The following NUP98 variants were observed in gnomAD, a reference collection of about 807,000 sequenced individuals.
NUP98 encodes the protein nuclear pore complex protein Nup98-Nup96.
A neutral mutation model predicts 191.9 loss-of-function variants in NUP98; 26 were observed. That is an observed-to-expected ratio of 0.14 (90% CI 0.10 to 0.19). The LOEUF (loss-of-function observed/expected upper bound fraction) is 0.19. Ranked by LOEUF, NUP98 falls within the 10% of genes least tolerant of loss-of-function variation. The pLI is 1.00. For missense variants in NUP98, 1,941 were observed against 2,178.8 expected (o/e 0.89, Z 2.17); for synonymous variants, 808 against 778.4 (o/e 1.04, Z -0.63).
At chr11:3,768,898 CCTTCA>C (rs902560007) in intron 7 of NUP98, among the ~76,000 whole-genome samples, 154 bp from the exon 8 acceptor site, 4 of 152,164 alleles carry the variant, frequency 2.6e-5, no homozygotes, top group African/African-American at 9.6e-5. Context: ...CGTTTTCCAT[CCTTCA>C]CTTAACTCTA....
At chr11:3,732,721 C>T (rs1348713793) in intron 13 of NUP98, among the ~76,000 whole-genome samples, 1 of 152,186 alleles carries the variant, frequency 6.6e-6, no homozygotes, top group African/African-American at 2.4e-5. Flanking sequence ...CTACAACATC[C>T]TGAGGATGTT....
At chr11:3,779,378 A>C in intron 2 of NUP98, 121 bp from the exon 3 acceptor site, 1 of 862,686 alleles carries the variant, frequency 1.2e-6, no homozygotes, top group Non-Finnish European at 1.9e-6. Context: ...ATGGTGGCTC[A>C]CGCCTGTAAT....
chr11:3,676,679 C>T, intron 31 of NUP98, 59 bp from the exon 32 acceptor site: 1 of 1,256,602 alleles, frequency 8.0e-7, no homozygotes, highest in Non-Finnish European at 1.2e-6. Context: ...TCCAATCCCA[C>T]CTATAGACTC....
intron 4 of NUP98, among the ~76,000 whole-genome samples, chr11:3,778,649 T>A (rs1309233628): frequency 6.6e-6 from 1 of 152,226 alleles, no homozygotes; most frequent in East Asian, 1.9e-4. Context: ...TGCATATCCC[T>A]TAAATAACAG....
At chr11:3,792,930 C>T (rs148847108) in intron 1 of NUP98, among the ~76,000 whole-genome samples, 104 of 151,354 alleles carry the variant, frequency 6.9e-4, no homozygotes, top group African/African-American at 2.3e-3. Flanking sequence ...CCCAACATGG[C>T]GAAACCCCGT....
intron 28 of NUP98, among the ~76,000 whole-genome samples, chr11:3,689,625 T>A (rs1209926411): frequency 3.3e-5 from 5 of 152,254 alleles, no homozygotes; most frequent in Non-Finnish European, 1.5e-5. Flanking sequence ...GTTGGACACC[T>A]AAACCACTCT....
At chr11:3,748,502 C>G (rs1285896830) in intron 11 of NUP98, among the ~76,000 whole-genome samples, 1 of 152,234 alleles carries the variant, frequency 6.6e-6, no homozygotes, top group East Asian at 1.9e-4. Flanking sequence ...GCCTGGGCAA[C>G]AGAGCAAGAG....
intron 4 of NUP98, 103 bp downstream of exon 4, chr11:3,778,770 T>G: frequency 1.6e-6 from 2 of 1,224,630 alleles, no homozygotes; most frequent in South Asian, 1.4e-5. Context: ...TGCCATTTAG[T>G]AGGAAAAGAA....
At chr11:3,728,687 C>T (rs1033935274) in intron 14 of NUP98, among the ~76,000 whole-genome samples, 2 of 151,788 alleles carry the variant, frequency 1.3e-5, no homozygotes, top group Admixed American at 6.6e-5. Context: ...TGCAGTGAGC[C>T]GAGATGGGGC....
At position 3,740,138 on chromosome 11, in the gene NUP98, G is replaced by A. The variant is rs543200644; in HGVS notation, c.1408+4371C>T. On this transcript the variant is annotated intron_variant, in intron 12 of 32. Coordinates refer to ENST00000324932, the MANE Select transcript of NUP98 (RefSeq NM_016320.5). ...TGATCAAATGACGCGTATCTACCTTGGAGAATCCCAGAAGTCTAGGGACTT... is the reference window on the plus strand; with the variant it reads ...TGATCAAATGACGCGTATCTACCTTAGAGAATCCCAGAAGTCTAGGGACTT... Among the ~76,000 whole-genome samples the A allele has an allele frequency of 7.2e-5, 11 of 152,210 alleles. No homozygotes were observed. The South Asian group carries it at 2.3e-3, about 32-fold the overall frequency.
intron 27 of NUP98, among the ~76,000 whole-genome samples, chr11:3,692,016 T>C (rs1332966316): frequency 1.3e-5 from 2 of 152,204 alleles, no homozygotes; most frequent in Non-Finnish European, 1.5e-5. Context: ...CAAGATCCCA[T>C]CTCTACAAAT....
chr11:3,738,030 C>T (rs1342875917), intron 12 of NUP98, among the ~76,000 whole-genome samples: 1 of 147,470 alleles, frequency 6.8e-6, no homozygotes, highest in Non-Finnish European at 1.5e-5. Context: ...AGAAAACTGA[C>T]CTGTCTTAGT....
intron 1 of NUP98, among the ~76,000 whole-genome samples, chr11:3,784,772 GA>G (rs977923553): frequency 4.6e-5 from 7 of 151,354 alleles, no homozygotes; most frequent in South Asian, 4.2e-4. Context: ...CTCCATTCTA[GA>G]AATATTGAAC....
Position 3,762,957 on chromosome 11 carries a change from C to A in NUP98, c.1031G>T (p.Gly344Val). 1 of 1,614,172 alleles carries A rather than the reference C, an allele frequency of 6.2e-7. No homozygotes were observed. Among genetic ancestry groups the A allele is most frequent in the Non-Finnish European group, 8.5e-7 (1 of 1,180,042 alleles). ...ATNTSTGTAF[G>V]TGTGLFGQTN... ...CTGCCCAAAGAGACCTGTTCCTGTT[C>A]CAAATGCTGTCCCAGTGCTGGTGTT... The change falls in exon 9 of 33, where the codon GGA becomes GTA. Residue 344 changes from glycine (G) to valine (V), a missense_variant. By Grantham distance (109) the Gly-to-Val change is moderately radical. Coordinates refer to ENST00000324932, the MANE Select transcript of NUP98 (RefSeq NM_016320.5).
At chr11:3,773,959 G>A (rs1411741714) in intron 5 of NUP98, among the ~76,000 whole-genome samples, 1 of 152,050 alleles carries the variant, frequency 6.6e-6, no homozygotes, top group Admixed American at 6.6e-5. Flanking sequence ...AATCACAAAC[G>A]CAGGGATTAA....
At chr11:3,713,148 A>T (rs1564833340) in intron 19 of NUP98, among the ~76,000 whole-genome samples, 1 of 152,240 alleles carries the variant, frequency 6.6e-6, no homozygotes, top group Non-Finnish European at 1.5e-5. Context: ...CAACCTCTTC[A>T]TCTCCAAAAA....
At chr11:3,684,230 A>G (rs2078068750) in intron 29 of NUP98, among the ~76,000 whole-genome samples, 1 of 151,850 alleles carries the variant, frequency 6.6e-6, no homozygotes, top group East Asian at 1.9e-4. Flanking sequence ...AAACAAAACA[A>G]AACAAACACA....
intron 5 of NUP98, 94 bp from the exon 6 acceptor site, chr11:3,773,833 T>TC: frequency 1.5e-6 from 1 of 672,282 alleles, no homozygotes; most frequent in Non-Finnish European, 2.6e-6. Flanking sequence ...CTAAAACTAG[T>TC]CCCCCCAGGT....
Position 3,676,115 on chromosome 11 carries a change from G to C in NUP98, c.*44C>G. 1 of 1,572,320 alleles carries C rather than the reference G, an allele frequency of 6.4e-7. No individual in the cohort carries two copies. The highest frequency in any genetic ancestry group is 1.3e-5 in the African/African-American group (1 of 74,174). On this transcript the variant is annotated 3_prime_UTR_variant, in exon 33 of 33. Transcript: ENST00000324932. ...TCCAAACAAGGCAGGGAACCTCTGT[G>C]TGGTGTGAATGGGCATGTGACTGTG...
Sources: allele counts gnomAD v4.1 joint callset (sites outside exome capture counted in the v4.1 genomes callset), GRCh38; gene constraint gnomAD v4.1.1; transcripts MANE v1.5; gene names NCBI Gene and HGNC (gene_info 2026-07-23, HGNC 2026-07-21).